SEMA6B: variants seen among roughly 807,000 people sequenced by gnomAD.
SEMA6B encodes semaphorin-6B.
SEMA6B carries 47 observed loss-of-function variants against 78.6 expected under a neutral mutation model. The observed-to-expected ratio is 0.60, with a 90% CI of 0.47 to 0.76. The LOEUF (loss-of-function observed/expected upper bound fraction) is 0.76. SEMA6B is among the 30% of genes least tolerant of loss of function. The pLI, the probability that SEMA6B is intolerant of heterozygous loss-of-function variation, is 0.00. For missense variants in SEMA6B, 1,213 were observed against 1,269.9 expected (o/e 0.96, Z 0.68); for synonymous variants, 632 against 592.2 (o/e 1.07, Z -0.98).
Position 4,542,793 on chromosome 19 carries a change from C to G in SEMA6B, c.*808G>C, listed in dbSNP as rs1349319230. 4 of 701,034 alleles carry G rather than the reference C, an allele frequency of 5.7e-6. No individual in the cohort carries two copies. In the African/African-American group the frequency reaches 7.0e-5, roughly 12 times the overall value. The allele number at this position is 701,034 out of a possible 1,614,324, so 43.4% of individuals were successfully genotyped here. A position where few individuals can be genotyped will look rare whatever the true frequency, so the allele number is the denominator to read the frequency against. On this transcript the variant is annotated 3_prime_UTR_variant, in exon 17 of 17. Coordinates refer to ENST00000586582, the MANE Select transcript of SEMA6B (RefSeq NM_032108.4). ...AGGGGCCCCACCCACCTTCGCCGCC[C>G]CCCAGGCCCCCAAGCCCTTTAGACA...
rs1977076215 is a variant in SEMA6B, at chr19:4,543,556, T to C, written c.*45A>G. ...GCGTTCTGGCACCGTCTCTCGCTCC[T>C]GGTTCCCGTGGCTGGCACTGCCAAG... On this transcript the variant is annotated 3_prime_UTR_variant, in exon 17 of 17. Transcript: ENST00000586582. The C allele has an allele frequency of 9.4e-7, 1 of 1,062,354 alleles. No individual in the cohort carries two copies. Among genetic ancestry groups the C allele is most frequent in the Admixed American group, 4.1e-5 (1 of 24,254 alleles). 65.8% of individuals were successfully genotyped at this position (1,062,354 alleles called of 1,614,324 possible). A position where few individuals can be genotyped will look rare whatever the true frequency, so the allele number is the denominator to read the frequency against.
rs970135270 is a variant in SEMA6B, at chr19:4,555,823, C to G, written c.471+165G>C. Among the ~76,000 whole-genome samples, 1 of 152,206 alleles carries G rather than the reference C, an allele frequency of 6.6e-6. No individual in the cohort carries two copies. The highest frequency in any genetic ancestry group is 2.4e-5 in the African/African-American group (1 of 41,436). Reference sequence around the variant, plus strand: ...GCCCCCTGTACAGGCCTCGTTTGGACAGCGCTGACTCCTCTTGAGCTCAGG... The same window carrying G: ...GCCCCCTGTACAGGCCTCGTTTGGAGAGCGCTGACTCCTCTTGAGCTCAGG... On this transcript the variant is annotated intron_variant, in intron 6 of 16. Transcript: ENST00000586582. This position sits in a 1 kb window ranked among gnomAD's most constrained non-coding sequence, Gnocchi z 6.1.
At chr19:4,551,235 T>C (rs930397370) in intron 10 of SEMA6B, among the ~76,000 whole-genome samples, 1 of 151,172 alleles carries the variant, frequency 6.6e-6, no homozygotes, top group East Asian at 2.0e-4. Context: ...TTTTTTTTTT[T>C]TGGAGACCGA....
At chr19:4,556,809 G>GGGC in intron 5 of SEMA6B, 142 bp downstream of exon 5, 1 of 746,376 alleles carries the variant, frequency 1.3e-6, no homozygotes, top group Non-Finnish European at 2.2e-6. Flanking sequence ...GCTGGCAGTT[G>GGGC]GGCGGGGCCA....
rs1356277367 is a variant in SEMA6B at position 4,543,088 on chromosome 19, C to T, written c.*513G>A. On this transcript the variant is annotated 3_prime_UTR_variant, in exon 17 of 17. Transcript: ENST00000586582. The stretch of plus-strand genomic sequence containing the variant: ...AGCAGCCTTCGCTGGCACGCACACA[C>T]ACGCCCACCTCCCCGGCCCCTTGCA... 1.6e-6 allele frequency: 1 copy of T among 636,948 alleles called. No individual in the cohort carries two copies. Among genetic ancestry groups the T allele is most frequent in the African/African-American group, 1.8e-5 (1 of 55,540 alleles). The allele number at this position is 636,948 out of a possible 1,614,324, so 39.5% of individuals were successfully genotyped here. A position where few individuals can be genotyped will look rare whatever the true frequency, so the allele number is the denominator to read the frequency against.
At chr19:4,556,391 T>C (rs1398141618) in intron 5 of SEMA6B, among the ~76,000 whole-genome samples, 1 of 151,676 alleles carries the variant, frequency 6.6e-6, no homozygotes, top group Non-Finnish European at 1.5e-5. Flanking sequence ...TCACGGCCGA[T>C]TGGGGTGGGG....
chr19:4,555,381 G>A lies in SEMA6B; in HGVS notation c.562+93C>T. On this transcript the variant is annotated intron_variant, in intron 7 of 16. Transcript: ENST00000586582. This position sits in a 1 kb window ranked among gnomAD's most constrained non-coding sequence, Gnocchi z 6.1. ...CACAGCTGGGACAAGTGGTCGTCCA[G>A]CTGCCTTCTAAACAACCCAGACGCT... The A allele has an allele frequency of 8.7e-7, 1 of 1,152,726 alleles. No individual in the cohort carries two copies. The highest frequency in any genetic ancestry group is 2.4e-5 in the East Asian group (1 of 41,280). The allele number at this position is 1,152,726 out of a possible 1,614,324, so 71.4% of individuals were successfully genotyped here.
chr19:4,551,220 C>CTTT (rs550058306), intron 10 of SEMA6B, among the ~76,000 whole-genome samples: 1 of 133,000 alleles, frequency 7.5e-6, no homozygotes. Flanking sequence ...CCCCAGCAGG[C>CTTT]TTTTTTTTTT....
At position 4,544,289 on chromosome 19, in the gene SEMA6B, T is replaced by G. The variant is rs371352629; in HGVS notation, c.1979A>C (p.Gln660Pro). ...GCCTCCGCCCCGGCCCCCGGGACCC[T>G]GCGCCCTGCGCTCGCCCAGGCGGCT... Reference protein sequence around the residue: ...SVSRLGERRAQGPGGRGGGGG... With the variant: ...SVSRLGERRAPGPGGRGGGGG... Residue 660 changes from glutamine to proline, a missense_variant, in exon 17 of 17, where the codon CAG becomes CCG. By Grantham distance (76) the Gln-to-Pro change is moderately conservative. Transcript: ENST00000586582. This position sits in a 1 kb window ranked among gnomAD's most constrained non-coding sequence, Gnocchi z 5.1. The G allele has an allele frequency of 3.5e-3, 5,011 of 1,437,022 alleles. 144 individuals are homozygous for G. In the African/African-American group the frequency reaches 0.067, roughly 19 times the overall value. The allele number at this position is 1,437,022 out of a possible 1,614,324, so 89.0% of individuals were successfully genotyped here. A position where few individuals can be genotyped will look rare whatever the true frequency, so the allele number is the denominator to read the frequency against.
In SEMA6B at chr19:4,555,558, T is replaced by C. The variant is rs771568297; in HGVS notation, c.478A>G (p.Thr160Ala). 1.1e-5 allele frequency: 18 copies of C among 1,612,586 alleles called. No homozygotes were observed. In the Admixed American group the frequency reaches 1.3e-4, roughly 12 times the overall value. The change falls in exon 7 of 17, where the codon ACC (threonine) becomes GCC (alanine). Residue 160 changes from threonine (T) to alanine (A), a missense_variant. Transcript: ENST00000586582. The surrounding 1 kb of genome is among the most constrained non-coding windows in gnomAD (Gnocchi z 6.1). ...ATGTTGTCTCCGACGGGCTGCAGGG[T>C]GTCTATCTGCAGGGACCATGGGGCC... ...NPVCANYSID[T>A]LQPVGDNISG...
At position 4,554,567 on chromosome 19, in the gene SEMA6B, G is replaced by A. The variant is rs1977419871; in HGVS notation, c.683-91C>T. The A allele has an allele frequency of 4.0e-6, 4 of 992,180 alleles. No homozygotes were observed. In the South Asian group the frequency reaches 4.1e-5, roughly 10 times the overall value. 61.5% of individuals were successfully genotyped at this position (992,180 alleles called of 1,614,324 possible). A position where few individuals can be genotyped will look rare whatever the true frequency, so the allele number is the denominator to read the frequency against. ...CTCACTGGCTTTTATGGTGAAGGGG[G>A]GACATAGGCTGGTTACCCAGACAAT... On this transcript the variant is annotated intron_variant, in intron 8 of 16. Transcript: ENST00000586582.
Position 4,543,432 on chromosome 19 carries a change from C to T in SEMA6B, c.*169G>A, listed in dbSNP as rs991928082. On this transcript the variant is annotated 3_prime_UTR_variant, in exon 17 of 17. Coordinates refer to ENST00000586582, the MANE Select transcript of SEMA6B (RefSeq NM_032108.4). ...CCTGCGGCCCCGGGTAGGGGGAGGGCGAGCTGGTTGTGCTTCCTTGTGGCG... is the reference window on the plus strand; with the variant it reads ...CCTGCGGCCCCGGGTAGGGGGAGGGTGAGCTGGTTGTGCTTCCTTGTGGCG... The T allele has an allele frequency of 0.011, 1,176 of 106,932 alleles. 7 individuals are homozygous for T. The highest frequency in any genetic ancestry group is 0.023 in the Admixed American group (167 of 7,352). The allele number at this position is 106,932 out of a possible 1,614,324, so 6.6% of individuals were successfully genotyped here.
chr19:4,546,251 G>C lies in SEMA6B; in HGVS notation c.1703C>G (p.Ser568Cys). The change falls in exon 16 of 17, where the codon TCC (serine) becomes TGC (cysteine). Residue 568 changes from serine to cysteine, a missense_variant. Physicochemically the swap from Ser to Cys is moderately radical, Grantham distance 112. Coordinates refer to ENST00000586582, the MANE Select transcript of SEMA6B (RefSeq NM_032108.4). ...GTRAAFEQDV[S>C]GASTSGLGDC... ...CCCTAAGCCTGAGGTGCTGGCCCCG[G>C]ACACGTCCTGCTCAAAGGCGGCTCT... 1 of 1,613,220 alleles carries C rather than the reference G, an allele frequency of 6.2e-7. No individual in the cohort carries two copies. The highest frequency in any genetic ancestry group is 8.5e-7 in the Non-Finnish European group (1 of 1,179,930).
intron 14 of SEMA6B, 28 bp downstream of exon 14, chr19:4,547,999 C>CACA (rs1249865977): frequency 1.2e-5 from 18 of 1,516,728 alleles, no homozygotes; most frequent in African/African-American, 2.7e-5. Flanking sequence ...TGCTTCCCGC[C>CACA]CACGGCTGGC....
chr19:4,548,138 C>A lies in SEMA6B; in HGVS notation c.1490G>T (p.Arg497Leu), dbSNP rs373521467. 3.1e-6 allele frequency: 5 copies of A among 1,591,498 alleles called. No individual in the cohort carries two copies. The highest frequency in any genetic ancestry group is 4.3e-6 in the Non-Finnish European group (5 of 1,170,724). Residue 497 changes from arginine (R) to leucine (L), a missense_variant, in exon 14 of 17, where the codon CGG becomes CTG. Transcript: ENST00000586582. ...GRPGGGETGQ[R>L]LLSLELDAAS... ...TGCGTCCAGCTCCAAGCTCAGCAGCCGCTGCCCTGTCTCGCCACCGCCGGG... is the reference window on the plus strand; with the variant it reads ...TGCGTCCAGCTCCAAGCTCAGCAGCAGCTGCCCTGTCTCGCCACCGCCGGG...
Position 4,558,299 on chromosome 19 carries a change from G to C in SEMA6B, c.121+38C>G. ...CAACTGGGAACCCAGATACTCCCAC[G>C]GGACTCCACCCCCGCCCAAAGACAC... On this transcript the variant is annotated intron_variant, in intron 2 of 16. Coordinates refer to ENST00000586582, the MANE Select transcript of SEMA6B (RefSeq NM_032108.4). This position sits in a 1 kb window ranked among gnomAD's most constrained non-coding sequence, Gnocchi z 5.1. The C allele has an allele frequency of 7.6e-7, 1 of 1,314,152 alleles. No homozygotes were observed. The highest frequency in any genetic ancestry group is 9.8e-7 in the Non-Finnish European group (1 of 1,021,876). 81.4% of individuals were successfully genotyped at this position (1,314,152 alleles called of 1,614,324 possible).
rs375724234 is a variant in SEMA6B at position 4,542,751 on chromosome 19, T to C, written c.*850A>G. 1.0e-5 allele frequency: 7 copies of C among 699,672 alleles called. No homozygotes were observed. The highest frequency in any genetic ancestry group is 8.7e-5 in the African/African-American group (5 of 57,148). 43.3% of individuals were successfully genotyped at this position (699,672 alleles called of 1,614,324 possible). On this transcript the variant is annotated 3_prime_UTR_variant, in exon 17 of 17. Transcript: ENST00000586582. ...GTGGCATGGGACTCTCTCACCACCC[T>C]GGGGCCGTATTTACAGAGGGGCCCC...
rs764792130 is a variant in SEMA6B, at chr19:4,548,379, G to A, written c.1338C>T (p.Phe446=). Residue 446 remains phenylalanine, a synonymous_variant, in exon 13 of 17, where the codon TTC becomes TTT. Transcript: ENST00000586582. ...GGACCGTCCCCGCCTCAGAACCCAG[G>A]AAGACAACGGTCTGGTTGCCCCAGG... ...AGPWGNQTVV[F]LGSEAGTVLK... is the part of the protein sequence containing the mutation. 12 of 1,613,820 alleles carry A rather than the reference G, an allele frequency of 7.4e-6. No individual in the cohort carries two copies. The highest frequency in any genetic ancestry group is 1.3e-5 in the African/African-American group (1 of 75,036).
rs779255323 is a variant in SEMA6B at position 4,546,203 on chromosome 19, C to G, written c.1738+13G>C. 4.4e-6 allele frequency: 7 copies of G among 1,597,446 alleles called. No individual in the cohort carries two copies. In the African/African-American group the frequency reaches 9.4e-5, roughly 21 times the overall value. On this transcript the variant is annotated intron_variant, in intron 16 of 16. Transcript: ENST00000586582. Reference sequence around the variant, plus strand: ...GGGGATGGGGGTCTTAGCCTGCCGTCCCCCCAACTCACCTGTGCAGTCCCC... The same window carrying G: ...GGGGATGGGGGTCTTAGCCTGCCGTGCCCCCAACTCACCTGTGCAGTCCCC...
Sources: gnomAD v4.1 joint callset for allele counts (sites outside exome capture counted in the v4.1 genomes callset) on GRCh38, gnomAD v4.1.1 for gene constraint, Gnocchi (gnomAD v3.1) non-coding constraint, MANE v1.5 for transcripts, NCBI Gene and HGNC (gene_info 2026-07-23, HGNC 2026-07-21) for gene names.